The following ZNF100 variants were observed in gnomAD, a reference collection of about 807,000 sequenced individuals.
ZNF100 encodes zinc finger protein 100 (Y1).
In ZNF100, 12 loss-of-function variants were observed where a neutral mutation model predicts 15.8. The ratio of observed to expected loss-of-function variants is 0.76; its 90% CI spans 0.49 to 1.23. ZNF100 has a LOEUF of 1.23. Among genes scored for constraint, ZNF100 ranks in the 50% most tolerant of loss-of-function variants. The pLI is 0.00. For missense variants in ZNF100, 670 were observed against 635.6 expected, an observed-to-expected ratio of 1.05 and a Z score of -0.58; for synonymous variants, 226 against 214.8, an observed-to-expected ratio of 1.05 and a Z score of -0.45.
intron 2 of ZNF100, among the ~76,000 whole-genome samples, chr19:21,756,514 C>T (rs796069696): frequency 1.6e-4 from 24 of 150,854 alleles, no homozygotes; most frequent in African/African-American, 5.6e-4. Flanking sequence ...ACACAAATAT[C>T]GAGGAATACA....
intron 4 of ZNF100, among the ~76,000 whole-genome samples, chr19:21,735,261 G>A (rs1442622588): frequency 2.0e-5 from 3 of 152,114 alleles, no homozygotes; most frequent in African/African-American, 4.8e-5. Context: ...TTTGGAGGCC[G>A]AGGTGGGTGG....
chr19:21,750,877 C>T, intron 2 of ZNF100: 1 of 569,232 alleles, frequency 1.8e-6, no homozygotes, highest in South Asian at 2.4e-5. Flanking sequence ...TTGCGTGTCC[C>T]CCCAGTACCA....
chr19:21,738,308 A>C (rs1256147986), intron 4 of ZNF100, among the ~76,000 whole-genome samples: 1 of 147,700 alleles, frequency 6.8e-6, no homozygotes, highest in Non-Finnish European at 1.5e-5. Flanking sequence ...AGAATGAGAA[A>C]ACTATTTTAA....
chr19:21,733,650 C>A (rs2035959023), intron 4 of ZNF100, among the ~76,000 whole-genome samples: 1 of 152,280 alleles, frequency 6.6e-6, no homozygotes, highest in Non-Finnish European at 1.5e-5. Flanking sequence ...GGAATCTGGG[C>A]AGTCCAGATG....
intron 2 of ZNF100, among the ~76,000 whole-genome samples, chr19:21,756,769 C>G (rs1362484818): frequency 2.6e-5 from 4 of 152,130 alleles, no homozygotes; most frequent in Non-Finnish European, 4.4e-5. Context: ...TAAAATAAGC[C>G]TGAATAGCCA....
chr19:21,761,577 G>T (rs562365985), intron 2 of ZNF100, among the ~76,000 whole-genome samples: 1 of 152,152 alleles, frequency 6.6e-6, no homozygotes, highest in Non-Finnish European at 1.5e-5. Flanking sequence ...ATGAAACAAG[G>T]TTCCATCAAA....
At chr19:21,735,559 T>C (rs1452221685) in intron 4 of ZNF100, among the ~76,000 whole-genome samples, 1 of 148,838 alleles carries the variant, frequency 6.7e-6, no homozygotes, top group Non-Finnish European at 1.5e-5. Context: ...GTCAACTCAC[T>C]GGTGTGCTGT....
intron 2 of ZNF100, among the ~76,000 whole-genome samples, chr19:21,754,436 C>T (rs1055906616): frequency 6.6e-6 from 1 of 152,016 alleles, no homozygotes; most frequent in African/African-American, 2.4e-5. Context: ...TTCAGCATCC[C>T]TTCATGTTAA....
At chr19:21,757,659 A>G (rs1011605495) in intron 2 of ZNF100, among the ~76,000 whole-genome samples, 7 of 152,260 alleles carry the variant, frequency 4.6e-5, no homozygotes, top group Non-Finnish European at 8.8e-5. Flanking sequence ...TCACATGCAC[A>G]TGCATGTTCA....
At chr19:21,743,853 CAAAAAAAAAA>C (rs55874930) in intron 4 of ZNF100, among the ~76,000 whole-genome samples, 154 bp downstream of exon 4, 1 of 96,634 alleles carries the variant, frequency 1.0e-5, no homozygotes, top group African/African-American at 4.1e-5. Flanking sequence ...ACGTGACAGC[CAAAAAAAAAA>C]AAAAAAAAAA....
In ZNF100 at chr19:21,743,927, T is replaced by C. The variant is rs150479013; in HGVS notation, c.322+90A>G. On this transcript the variant is annotated intron_variant, in intron 4 of 4. Coordinates refer to ENST00000358296, the MANE Select transcript of ZNF100 (RefSeq NM_173531.4). ...CCCAGAAACTATTTCCTTTGGAACA[T>C]AGCTTCCCAAACCACATTTTAATGA... 9.5e-4 allele frequency: 1,108 copies of C among 1,161,432 alleles called. 12 individuals carry two copies. In the African/African-American group the frequency reaches 0.015, roughly 16 times the overall value. The allele number at this position is 1,161,432 out of a possible 1,614,324, so 71.9% of individuals were successfully genotyped here. A position where few individuals can be genotyped will look rare whatever the true frequency, so the allele number is the denominator to read the frequency against.
intron 4 of ZNF100, 40 bp downstream of exon 4, chr19:21,743,977 C>T (rs1385062062): frequency 1.9e-6 from 3 of 1,563,114 alleles, no homozygotes; most frequent in Non-Finnish European, 1.7e-6. Context: ...GACCTTTGGA[C>T]CTCACATCTG....
rs1325080248 is a variant in ZNF100, at chr19:21,767,455, G to A, written c.-26C>T. 1.6e-5 allele frequency: 26 copies of A among 1,613,966 alleles called. No individual in the cohort carries two copies. The highest frequency in any genetic ancestry group is 4.4e-5 in the South Asian group (4 of 91,070). On this transcript the variant is annotated 5_prime_UTR_variant, in exon 1 of 5. The change creates a new upstream start codon in the 5' untranslated region. Coordinates refer to ENST00000358296, the MANE Select transcript of ZNF100 (RefSeq NM_173531.4). ...TTCTAGGCTTCTAGGGGGTCCTGGC[G>A]TCTTAGCTGTGGATCTCCCAATATC...
intron 4 of ZNF100, among the ~76,000 whole-genome samples, chr19:21,740,235 T>A (rs1466153780): frequency 6.6e-6 from 1 of 152,106 alleles, no homozygotes; most frequent in African/African-American, 2.4e-5. Flanking sequence ...GAAAAGATAA[T>A]CATTTCAAAA....
In ZNF100 at chr19:21,724,338, C is replaced by T. The variant is rs2035735364; in HGVS notation, c.*2345G>A. 1 of 152,124 alleles carries T rather than the reference C, an allele frequency of 6.6e-6. No homozygotes were observed. Among genetic ancestry groups the T allele is most frequent in the African/African-American group, 2.4e-5 (1 of 41,422 alleles). The allele number at this position is 152,124 out of a possible 1,614,324, so 9.4% of individuals were successfully genotyped here. On this transcript the variant is annotated 3_prime_UTR_variant, in exon 5 of 5. Coordinates refer to ENST00000358296, the MANE Select transcript of ZNF100 (RefSeq NM_173531.4). ...ACAAACTCACTCTATAATTTTCTTA[C>T]ACTTAAGGTTTATCTTTAGACTAAC...
rs116204201 is a variant in ZNF100 at position 21,746,051 on chromosome 19, G to C, written c.97-984C>G. Among the ~76,000 whole-genome samples, 535 of 152,352 alleles carry C rather than the reference G, an allele frequency of 3.5e-3. 3 individuals carry two copies. Among genetic ancestry groups the C allele is most frequent in the African/African-American group, 0.012 (506 of 41,592 alleles). On this transcript the variant is annotated intron_variant, in intron 2 of 4. Coordinates refer to ENST00000358296, the MANE Select transcript of ZNF100 (RefSeq NM_173531.4). ...GGCTTATGCACATTAACTGCATAAA[G>C]ATGCCTAATAATGACAAGAAAAATA... is the stretch of plus-strand genomic sequence containing the variant.
chr19:21,734,884 A>G (rs1400258884), intron 4 of ZNF100, among the ~76,000 whole-genome samples: 1 of 152,196 alleles, frequency 6.6e-6, no homozygotes, highest in Non-Finnish European at 1.5e-5. Flanking sequence ...ACAAGCCAGA[A>G]GACATTGGGG....
intron 4 of ZNF100, among the ~76,000 whole-genome samples, chr19:21,730,649 T>C (rs953514747): frequency 1.3e-5 from 2 of 152,102 alleles, no homozygotes; most frequent in African/African-American, 4.8e-5. Context: ...TATAAAACAA[T>C]TATTTCTAAC....
At chr19:21,756,627 T>C (rs537101243) in intron 2 of ZNF100, among the ~76,000 whole-genome samples, 4 of 152,328 alleles carry the variant, frequency 2.6e-5, no homozygotes, top group South Asian at 4.1e-4. Context: ...ATGCCATGGA[T>C]AGAAAAGATT....
Sources: allele counts gnomAD v4.1 joint callset (sites outside exome capture counted in the v4.1 genomes callset), GRCh38; gene constraint gnomAD v4.1.1; transcripts MANE v1.5; gene names NCBI Gene and HGNC (gene_info 2026-07-23, HGNC 2026-07-21).